The following COL4A5 variants were observed in gnomAD, a reference collection of about 807,000 sequenced individuals.
COL4A5 encodes the protein collagen alpha-5(IV) chain.
A neutral mutation model predicts 130.2 loss-of-function variants in COL4A5; 26 were observed. The observed-to-expected ratio is 0.20, with a 90% CI of 0.15 to 0.28. The LOEUF (loss-of-function observed/expected upper bound fraction) is 0.28. Ranked by LOEUF, COL4A5 falls within the 10% of genes least tolerant of loss-of-function variation. The probability of loss-of-function intolerance (pLI) is 1.00; values close to 1 mark genes in which losing one functional copy is unlikely to be tolerated. For synonymous variants in COL4A5, 496 were observed against 439.6 expected (o/e 1.13, Z -1.60); for missense variants, 1,131 against 1,344.3 (o/e 0.84, Z 2.48).
At chrX:108,681,026 C>T in intron 46 of COL4A5, 70 bp downstream of exon 46, 1 of 992,974 alleles carries the variant, frequency 1.0e-6, no homozygotes, top group Non-Finnish European at 1.4e-6. Flanking sequence ...AGTTTTCATT[C>T]TGTCTTTCAG....
In COL4A5 at chrX:108,602,816, G is replaced by A. The variant is rs1408559761; in HGVS notation, c.2147-148G>A. ...TGTAAGATGATTGAGAGGATTGTAA[G>A]GCTTAATCCTAAGTAGTAGAATGTC... On this transcript the variant is annotated intron_variant, in intron 27 of 52. Transcript: ENST00000328300. 2.5e-5 allele frequency: 12 copies of A among 476,769 alleles called. No homozygotes were observed. In the African/African-American group the frequency reaches 2.9e-4, roughly 11 times the overall value. The allele number at this position is 476,769 out of a possible 1,213,427, so 39.3% of individuals were successfully genotyped here. A position where few individuals can be genotyped will look rare whatever the true frequency, so the allele number is the denominator to read the frequency against.
At position 108,588,662 on chromosome X, in the gene COL4A5, T is replaced by C. The variant is rs183524954; in HGVS notation, c.1165+1915T>C. ...ACATGCATCACTATGAAAAAGCTCA[T>C]GAAGCACTAAGCAATAGTAAAATAA... is the stretch of plus-strand genomic sequence containing the variant. On this transcript the variant is annotated intron_variant, in intron 19 of 52. Coordinates refer to ENST00000328300, the MANE Select transcript of COL4A5 (RefSeq NM_033380.3). Among the ~76,000 whole-genome samples, 10 of 110,906 alleles carry C rather than the reference T, an allele frequency of 9.0e-5. No individual in the cohort carries two copies. The East Asian group carries it at 2.8e-3, about 31-fold the overall frequency.
intron 25 of COL4A5, 91 bp from the exon 26 acceptor site, chrX:108,601,302 G>T: frequency 1.7e-6 from 1 of 572,931 alleles, no homozygotes; most frequent in Non-Finnish European, 2.9e-6. Flanking sequence ...TCAAAAGATT[G>T]CTGATAATTT....
chrX:108,646,076 A>T (rs950433697), intron 36 of COL4A5, among the ~76,000 whole-genome samples: 18 of 100 alleles, frequency 0.18, no homozygotes, highest in Admixed American at 0.52. Context: ...CATGATTTAT[A>T]ATCCTTTGGT....
chrX:108,441,548 A>G (rs1341190116), intron 1 of COL4A5, among the ~76,000 whole-genome samples: 1 of 112,109 alleles, frequency 8.9e-6, no homozygotes, highest in Non-Finnish European at 1.9e-5. Flanking sequence ...AACCATGCAT[A>G]TCAAATATTT....
intron 1 of COL4A5, among the ~76,000 whole-genome samples, chrX:108,525,224 C>A (rs2147618213): frequency 9.0e-6 from 1 of 111,454 alleles, no homozygotes; most frequent in Admixed American, 9.5e-5. Flanking sequence ...TAGAATTGAC[C>A]CTTTTATCAT....
At chrX:108,646,707 G>A (rs768669266) in intron 36 of COL4A5, among the ~76,000 whole-genome samples, 3 of 111,807 alleles carry the variant, frequency 2.7e-5, no homozygotes, top group South Asian at 7.5e-4. Flanking sequence ...GGTTTTTATG[G>A]TTTTACGTCT....
rs1265302404 is a variant in COL4A5, at chrX:108,573,654, A to G, written c.546A>G (p.Gln182=). 4 of 1,172,142 alleles carry G rather than the reference A, an allele frequency of 3.4e-6. No homozygotes were observed. Among genetic ancestry groups the G allele is most frequent in the Non-Finnish European group, 4.6e-6 (4 of 860,556 alleles). ...NPGYPGPPGI[Q]GLPGPTGIPG... is the part of the protein sequence containing the mutation. Reference sequence around the variant, plus strand: ...GATATCCAGGTCCTCCTGGAATACAAGTAAGTATCCAGTGATTTTCTTTTT... The same window carrying G: ...GATATCCAGGTCCTCCTGGAATACAGGTAAGTATCCAGTGATTTTCTTTTT... Residue 182 remains glutamine (Q), a splice_region_variant and synonymous_variant, in exon 9 of 53, where the codon CAA becomes CAG. Transcript: ENST00000328300.
chrX:108,676,631 T>C (rs774260846), intron 43 of COL4A5, among the ~76,000 whole-genome samples: 3 of 112,464 alleles, frequency 2.7e-5, no homozygotes, highest in African/African-American at 9.7e-5. Flanking sequence ...AAAAATGAAT[T>C]TTAAAGTACT....
chrX:108,657,407 A>G (rs1454248472), intron 37 of COL4A5, among the ~76,000 whole-genome samples: 1 of 111,925 alleles, frequency 8.9e-6, no homozygotes, highest in Admixed American at 9.5e-5. Flanking sequence ...GTAAATTTAT[A>G]TTAAGCCTTG....
chrX:108,524,936 A>G (rs1425954946), intron 1 of COL4A5, among the ~76,000 whole-genome samples: 1 of 111,633 alleles, frequency 9.0e-6, no homozygotes, highest in Non-Finnish European at 1.9e-5. Flanking sequence ...AGAATGTTCT[A>G]TGCATTCTTG....
chrX:108,691,661 C>T (rs2068641386), intron 49 of COL4A5, among the ~76,000 whole-genome samples: 1 of 110,427 alleles, frequency 9.1e-6, no homozygotes, highest in African/African-American at 3.3e-5. Context: ...AAAAAACTTT[C>T]AAAAATAAAA....
At chrX:108,487,827 A>G (rs1313184723) in intron 1 of COL4A5, among the ~76,000 whole-genome samples, 1 of 112,354 alleles carries the variant, frequency 8.9e-6, no homozygotes, top group African/African-American at 3.2e-5. Flanking sequence ...GAAACTTATA[A>G]TACCATGAAC....
chrX:108,529,634 A>T (rs1479356236), intron 1 of COL4A5, among the ~76,000 whole-genome samples: 2 of 111,550 alleles, frequency 1.8e-5, no homozygotes, highest in Non-Finnish European at 3.8e-5. Flanking sequence ...AAAAAACATG[A>T]TGCAACTATA....
At chrX:108,652,756 C>G (rs1179401899) in intron 36 of COL4A5, among the ~76,000 whole-genome samples, 2 of 112,221 alleles carry the variant, frequency 1.8e-5, no homozygotes, top group Admixed American at 1.9e-4. Context: ...ACTCCTTTTT[C>G]TACGTGATAC....
At chrX:108,478,533 C>G (rs367570628) in intron 1 of COL4A5, among the ~76,000 whole-genome samples, 2 of 111,556 alleles carry the variant, frequency 1.8e-5, no homozygotes, top group East Asian at 5.6e-4. Context: ...AACTTTGCCT[C>G]AGCTCTGCAA....
chrX:108,588,594 T>C (rs763780261), intron 19 of COL4A5, among the ~76,000 whole-genome samples: 1 of 110,178 alleles, frequency 9.1e-6, no homozygotes, highest in South Asian at 3.8e-4. Context: ...GAGGCAGCAT[T>C]TGAAAAAAAA....
chrX:108,497,103 A>C (rs1390553460), intron 1 of COL4A5, among the ~76,000 whole-genome samples: 1 of 112,001 alleles, frequency 8.9e-6, no homozygotes, highest in Non-Finnish European at 1.9e-5. Flanking sequence ...CATTTCGTAG[A>C]AATTGAATTA....
In COL4A5 at chrX:108,584,496, G is replaced by A; in HGVS notation, c.1003G>A (p.Asp335Asn). 8.3e-7 allele frequency: 1 copy of A among 1,206,651 alleles called. No homozygotes were observed. Among genetic ancestry groups the A allele is most frequent in the Non-Finnish European group, 1.1e-6 (1 of 892,967 alleles). The part of the protein sequence containing the change: ...GRDGEKGQKG[D>N]TGPPGPPGLV... ...TTGCATTGAACAGGGCCAAAAAGGTGACACTGGCCCACCTGGACCTCCTGG... is the reference window on the plus strand; with the variant it reads ...TTGCATTGAACAGGGCCAAAAAGGTAACACTGGCCCACCTGGACCTCCTGG... The change falls in exon 18 of 53, where the codon GAC becomes AAC. Residue 335 changes from aspartate to asparagine, a missense_variant. Physicochemically the swap from Asp to Asn is conservative, Grantham distance 23 (BLOSUM62 1). Transcript: ENST00000328300.
Sources: allele counts gnomAD v4.1 joint callset (sites outside exome capture counted in the v4.1 genomes callset), GRCh38; gene constraint gnomAD v4.1.1; transcripts MANE v1.5; gene names NCBI Gene and HGNC (gene_info 2026-07-23, HGNC 2026-07-21).